The following MTHFD1 variants were observed in gnomAD, a reference collection of about 807,000 sequenced individuals.
The protein encoded by MTHFD1 is C-1-tetrahydrofolate synthase, cytoplasmic.
MTHFD1 carries 44 observed loss-of-function variants against 110.3 expected under a neutral mutation model. The ratio of observed to expected loss-of-function variants is 0.40; its 90% CI spans 0.31 to 0.51. MTHFD1 has a LOEUF of 0.51. Among genes scored for constraint, MTHFD1 ranks in the 20% least tolerant of loss-of-function variants. The probability of loss-of-function intolerance (pLI) is 0.60; values close to 1 mark genes in which losing one functional copy is unlikely to be tolerated. For missense variants in MTHFD1, 909 were observed against 1,173.1 expected, an observed-to-expected ratio of 0.77 and a Z score of 3.29; for synonymous variants, 402 against 428.8, an observed-to-expected ratio of 0.94 and a Z score of 0.77.
Position 64,449,567 on chromosome 14 carries a change from C to T in MTHFD1, c.2402C>T (p.Ala801Val). The T allele has an allele frequency of 1.2e-6, 2 of 1,614,188 alleles. No individual in the cohort carries two copies. Among genetic ancestry groups the T allele is most frequent in the Non-Finnish European group, 1.7e-6 (2 of 1,180,032 alleles). The change falls in exon 24 of 28, where the codon GCC becomes GTC. Residue 801 changes from alanine to valine, a missense_variant. Physicochemically the swap from Ala to Val is moderately conservative, Grantham distance 64. Transcript: ENST00000652337. ...GGKGALALAQ[A>V]VQRAAQAPSS... Reference sequence around the variant, plus strand: ...AAGGGTGCCTTAGCCCTGGCTCAGGCCGTCCAGAGAGCAGCACAAGCACCC... The same window carrying T: ...AAGGGTGCCTTAGCCCTGGCTCAGGTCGTCCAGAGAGCAGCACAAGCACCC...
Position 64,448,299 on chromosome 14 carries a change from T to A in MTHFD1, c.2261T>A (p.Val754Glu). ...AGAATGTTTGGAATTCCAGTAGTAG[T>A]GGCCGTGAATGCATTCAAGTAAGTG... ...NARMFGIPVV[V>E]AVNAFKTDTE... The change falls in exon 23 of 28, where the codon GTG becomes GAG. Residue 754 changes from valine to glutamate, a missense_variant. Val to Glu is a moderately radical substitution (Grantham distance 121, BLOSUM62 -2). This residue lies in a region of MTHFD1 where 482 missense variants were observed against 646.0 expected (regional missense o/e 0.75). Transcript: ENST00000652337. 6.2e-7 allele frequency: 1 copy of A among 1,612,812 alleles called. No individual in the cohort carries two copies. Among genetic ancestry groups the A allele is most frequent in the Non-Finnish European group, 8.5e-7 (1 of 1,178,740 alleles).
At chr14:64,391,360 TC>T (rs1389804311) in intron 1 of MTHFD1, among the ~76,000 whole-genome samples, 1 of 152,188 alleles carries the variant, frequency 6.6e-6, no homozygotes, top group African/African-American at 2.4e-5. Context: ...AGATGGGGTT[TC>T]GCCATGTTGG....
intron 22 of MTHFD1, among the ~76,000 whole-genome samples, chr14:64,447,174 T>TG (rs2078296897): frequency 1.0e-5 from 1 of 95,860 alleles, no homozygotes; most frequent in Non-Finnish European, 2.1e-5. Flanking sequence ...TTTTTTTTTT[T>TG]GAGACAGAGT....
chr14:64,394,054 G>T (rs2077827921), intron 1 of MTHFD1, among the ~76,000 whole-genome samples: 1 of 151,996 alleles, frequency 6.6e-6, no homozygotes, highest in Non-Finnish European at 1.5e-5. Flanking sequence ...AGTGCAGAAG[G>T]CCCCCATTAC....
At chr14:64,425,632 T>A in intron 9 of MTHFD1, 98 bp from the exon 10 acceptor site, 2 of 995,884 alleles carry the variant, frequency 2.0e-6, no homozygotes, top group Non-Finnish European at 3.2e-6. Context: ...CTGAAGCAGT[T>A]CATTTTGTGA....
intron 16 of MTHFD1, among the ~76,000 whole-genome samples, chr14:64,436,303 C>T (rs2078205715): frequency 6.6e-6 from 1 of 152,132 alleles, no homozygotes; most frequent in African/African-American, 2.4e-5. Context: ...ACCATGTTAG[C>T]TAGGATGGTC....
At chr14:64,438,537 T>C (rs1483625505) in intron 16 of MTHFD1, among the ~76,000 whole-genome samples, 6 of 152,216 alleles carry the variant, frequency 3.9e-5, no homozygotes. Flanking sequence ...GTTAGTTGCT[T>C]GGTCTTTGCC....
intron 26 of MTHFD1, chr14:64,455,206 T>C: frequency 2.8e-6 from 1 of 361,998 alleles, no homozygotes; most frequent in South Asian, 2.3e-5. Context: ...TCACAGTTAA[T>C]GTTTATTGGG....
intron 2 of MTHFD1, among the ~76,000 whole-genome samples, chr14:64,408,827 T>C (rs2140951467): frequency 6.6e-6 from 1 of 152,184 alleles, no homozygotes; most frequent in Non-Finnish European, 1.5e-5. Flanking sequence ...CGTGTACTGG[T>C]AGTCCTAGCT....
At chr14:64,426,652 G>A (rs945592528) in intron 11 of MTHFD1, among the ~76,000 whole-genome samples, 1 of 152,080 alleles carries the variant, frequency 6.6e-6, no homozygotes, top group East Asian at 1.9e-4. Context: ...TGTATTTTTA[G>A]TAGAGAGTGT....
At chr14:64,447,331 T>C (rs1348858159) in intron 22 of MTHFD1, among the ~76,000 whole-genome samples, 1 of 151,794 alleles carries the variant, frequency 6.6e-6, no homozygotes, top group Non-Finnish European at 1.5e-5. Context: ...AATTTTTATA[T>C]TTTTAATAGA....
intron 24 of MTHFD1, among the ~76,000 whole-genome samples, chr14:64,452,910 A>T (rs2078398205): frequency 6.6e-6 from 1 of 150,860 alleles, no homozygotes. Flanking sequence ...TTAAAGAGAC[A>T]GAGTGTTGCT....
chr14:64,411,535 T>C (rs1378924502), intron 3 of MTHFD1, among the ~76,000 whole-genome samples: 2 of 152,372 alleles, frequency 1.3e-5, no homozygotes, highest in South Asian at 4.1e-4. Flanking sequence ...CACGTTTTCA[T>C]GTAAGAGGTG....
chr14:64,427,196 C>A, intron 11 of MTHFD1, 141 bp from the exon 12 acceptor site: 2 of 931,106 alleles, frequency 2.1e-6, no homozygotes, highest in Non-Finnish European at 1.7e-6. Flanking sequence ...GCTGGGACTA[C>A]AGGCATACAC....
intron 8 of MTHFD1, 37 bp downstream of exon 8, chr14:64,419,962 T>C: frequency 7.2e-7 from 1 of 1,394,742 alleles, no homozygotes; most frequent in Non-Finnish European, 1.0e-6. Context: ...GCTGCTGGTA[T>C]TGAGGATGGT....
chr14:64,453,977 G>A, intron 25 of MTHFD1, 116 bp downstream of exon 25: 1 of 717,048 alleles, frequency 1.4e-6, no homozygotes, highest in East Asian at 2.7e-5. Flanking sequence ...CTGGGTGGCA[G>A]CCTTCTCTCC....
At chr14:64,428,982 C>A (rs2078138768) in intron 12 of MTHFD1, among the ~76,000 whole-genome samples, 2 of 152,092 alleles carry the variant, frequency 1.3e-5, no homozygotes, top group Non-Finnish European at 2.9e-5. Flanking sequence ...TTTACTCTTA[C>A]TGCAAATTGC....
intron 24 of MTHFD1, among the ~76,000 whole-genome samples, chr14:64,453,328 T>G (rs932980772): frequency 2.0e-5 from 3 of 152,070 alleles, no homozygotes; most frequent in Non-Finnish European, 4.4e-5. Flanking sequence ...TCCCAGCACT[T>G]TGGGAGGCCA....
At chr14:64,435,521 G>A (rs769216679) in intron 15 of MTHFD1, 48 bp from the exon 16 acceptor site, 3 of 1,287,064 alleles carry the variant, frequency 2.3e-6, no homozygotes, top group African/African-American at 1.5e-5. Context: ...TACGTTTATT[G>A]TGCTTCTGTT....
Sources: allele counts gnomAD v4.1 joint callset (sites outside exome capture counted in the v4.1 genomes callset), GRCh38; gene constraint gnomAD v4.1.1; regional missense constraint gnomAD v4.1.1; transcripts MANE v1.5; gene names NCBI Gene and HGNC (gene_info 2026-07-23, HGNC 2026-07-21).